Variants in LSAMP observed in about 807,000 individuals in gnomAD.
LSAMP encodes the protein limbic system associated membrane protein, also known as limbic system-associated membrane protein.
LSAMP carries 7 observed loss-of-function variants against 38.6 expected under a neutral mutation model. That is an observed-to-expected ratio of 0.18 (90% CI 0.10 to 0.34). LSAMP has a LOEUF of 0.34. Ranked by LOEUF, LSAMP falls within the 10% of genes least tolerant of loss-of-function variation. The pLI is 1.00. For missense variants in LSAMP, 313 were observed against 420.0 expected (o/e 0.75, Z 2.23); for synonymous variants, 154 against 166.8 (o/e 0.92, Z 0.59).
chr3:115,910,443 C>G (rs979647443), intron 3 of LSAMP, among the ~76,000 whole-genome samples: 1 of 152,022 alleles, frequency 6.6e-6, no homozygotes, highest in Non-Finnish European at 1.5e-5. Context: ...CTACTCTACC[C>G]CCATTTGATT....
chr3:116,043,130 C>A (rs1941211760), intron 2 of LSAMP, among the ~76,000 whole-genome samples: 1 of 152,142 alleles, frequency 6.6e-6, no homozygotes, highest in Admixed American at 6.5e-5. Context: ...AATTTACATT[C>A]TTTGAGATGC....
intron 1 of LSAMP, among the ~76,000 whole-genome samples, chr3:116,384,452 G>A (rs1036631677): frequency 1.3e-5 from 2 of 152,100 alleles, no homozygotes; most frequent in African/African-American, 4.8e-5. Context: ...TTGGAAGTGG[G>A]ACCTGGGTAT....
intron 3 of LSAMP, among the ~76,000 whole-genome samples, chr3:115,862,867 G>A (rs1403859602): frequency 6.6e-6 from 1 of 152,202 alleles, no homozygotes; most frequent in Non-Finnish European, 1.5e-5. Flanking sequence ...ATCACAGTGG[G>A]AGTGGGGGTC....
intron 1 of LSAMP, among the ~76,000 whole-genome samples, chr3:116,223,391 A>G (rs1414832205): frequency 2.6e-5 from 4 of 152,230 alleles, no homozygotes; most frequent in African/African-American, 9.6e-5. Flanking sequence ...TTGCAAATGT[A>G]GCTATAATAA....
At chr3:116,010,870 A>T (rs965685795) in intron 3 of LSAMP, among the ~76,000 whole-genome samples, 26 of 152,194 alleles carry the variant, frequency 1.7e-4, no homozygotes, top group Admixed American at 7.2e-4. Flanking sequence ...ATACTTCATG[A>T]TATAAGTTAG....
chr3:115,829,349 G>A (rs747157859), intron 6 of LSAMP, among the ~76,000 whole-genome samples: 8 of 152,124 alleles, frequency 5.3e-5, no homozygotes, highest in Non-Finnish European at 7.3e-5. Flanking sequence ...AAAATCAGAA[G>A]GAAATCAGAC....
intron 1 of LSAMP, among the ~76,000 whole-genome samples, chr3:116,320,619 A>G (rs2047695321): frequency 6.6e-6 from 1 of 152,120 alleles, no homozygotes; most frequent in South Asian, 2.1e-4. Flanking sequence ...GACAAAGCTT[A>G]GATTTAGTAA....
At chr3:116,257,007 T>C (rs1451778146) in intron 1 of LSAMP, among the ~76,000 whole-genome samples, 3 of 152,198 alleles carry the variant, frequency 2.0e-5, no homozygotes, top group Non-Finnish European at 2.9e-5. Flanking sequence ...CCAAACCCTA[T>C]GCTGGAGGCA....
chr3:116,222,771 G>C (rs1462463569), intron 1 of LSAMP, among the ~76,000 whole-genome samples: 1 of 98,250 alleles, frequency 1.0e-5, no homozygotes, highest in East Asian at 3.3e-4. Flanking sequence ...TGGAGTCTCT[G>C]TTCGCCCAGG....
At chr3:115,959,189 A>G (rs1468832279) in intron 3 of LSAMP, among the ~76,000 whole-genome samples, 1 of 152,172 alleles carries the variant, frequency 6.6e-6, no homozygotes, top group African/African-American at 2.4e-5. Flanking sequence ...GGCTTCCTTC[A>G]GTACATTGGG....
intron 3 of LSAMP, among the ~76,000 whole-genome samples, chr3:115,876,325 T>C (rs572975858): frequency 7.4e-5 from 11 of 147,956 alleles, no homozygotes; most frequent in African/African-American, 2.7e-4. Flanking sequence ...TCAGTTTGCA[T>C]AGGGATCATT....
intron 1 of LSAMP, among the ~76,000 whole-genome samples, chr3:116,158,299 G>T (rs774647372): frequency 2.2e-4 from 34 of 152,058 alleles, no homozygotes; most frequent in Non-Finnish European, 4.9e-4. Context: ...CAAAACAAGA[G>T]AAGGATGCCC....
chr3:116,160,432 G>T (rs1370053219), intron 1 of LSAMP, among the ~76,000 whole-genome samples: 1 of 139,460 alleles, frequency 7.2e-6, no homozygotes, highest in Non-Finnish European at 1.6e-5. Flanking sequence ...GGGAGGGAGG[G>T]AGAAAGGAAG....
chr3:115,915,553 G>A (rs756752911), intron 3 of LSAMP, among the ~76,000 whole-genome samples: 1 of 152,098 alleles, frequency 6.6e-6, no homozygotes, highest in African/African-American at 2.4e-5. Flanking sequence ...TCTTCCCATC[G>A]GTGTACATAA....
intron 2 of LSAMP, among the ~76,000 whole-genome samples, chr3:116,059,985 T>C (rs930496882): frequency 6.6e-6 from 1 of 152,214 alleles, no homozygotes; most frequent in Non-Finnish European, 1.5e-5. Context: ...CTGTGATTTA[T>C]GTTACATACC....
At chr3:116,046,907 A>G (rs1042887370) in intron 2 of LSAMP, among the ~76,000 whole-genome samples, 16 of 152,182 alleles carry the variant, frequency 1.1e-4, no homozygotes, top group African/African-American at 3.9e-4. Flanking sequence ...TGTAGCAACT[A>G]TTCCAGGGGC....
At chr3:115,919,223 T>A (rs1937327348) in intron 3 of LSAMP, among the ~76,000 whole-genome samples, 3 of 152,194 alleles carry the variant, frequency 2.0e-5, no homozygotes. Context: ...GACAACATGA[T>A]CCATTCAGAG....
chr3:116,076,855 T>A (rs1022925498), intron 2 of LSAMP, among the ~76,000 whole-genome samples: 3 of 152,266 alleles, frequency 2.0e-5, no homozygotes, highest in Admixed American at 1.3e-4. Flanking sequence ...ATTTATGTTC[T>A]CTCCATTGTT....
chr3:116,175,517 C>G (rs142571226), intron 1 of LSAMP, among the ~76,000 whole-genome samples: 2 of 151,894 alleles, frequency 1.3e-5, no homozygotes, highest in Admixed American at 6.6e-5. Flanking sequence ...TTGATTTAAC[C>G]TAAACATCCA....
Sources: allele counts gnomAD v4.1 joint callset (sites outside exome capture counted in the v4.1 genomes callset), GRCh38; gene constraint gnomAD v4.1.1; transcripts MANE v1.5; gene names NCBI Gene and HGNC (gene_info 2026-07-23, HGNC 2026-07-21).